Variants in SH3GL1 observed in about 807,000 individuals in gnomAD.
SH3GL1 encodes the protein SH3 domain containing GRB2 like 1, endophilin A2.
In SH3GL1, 21 loss-of-function variants were observed where a neutral mutation model predicts 48.8. The observed-to-expected ratio is 0.43, with a 90% CI of 0.30 to 0.62. The LOEUF (loss-of-function observed/expected upper bound fraction) is 0.62, where lower values mean the gene tolerates loss of function less well. SH3GL1 is among the 20% of genes least tolerant of loss of function. SH3GL1 has a pLI of 0.11. For synonymous variants in SH3GL1, 282 were observed against 217.5 expected, an observed-to-expected ratio of 1.30 and a Z score of -2.61; for missense variants, 454 against 503.0, an observed-to-expected ratio of 0.90 and a Z score of 0.93.
chr19:4,364,017 G>A, intron 5 of SH3GL1, 71 bp downstream of exon 5: 1 of 1,606,788 alleles, frequency 6.2e-7, no homozygotes, highest in Non-Finnish European at 8.5e-7. Flanking sequence ...TGGAGGTGAG[G>A]GTGGCAGGAA....
intron 1 of SH3GL1, among the ~76,000 whole-genome samples, chr19:4,385,662 A>G (rs62129349): frequency 0.21 from 32,486 of 152,210 alleles, 3,828 homozygotes; most frequent in Admixed American, 0.28. Context: ...AGAGGGGCCC[A>G]CTGGTGCCTT....
chr19:4,399,495 G>A (rs1397475616), intron 1 of SH3GL1, among the ~76,000 whole-genome samples: 1 of 151,900 alleles, frequency 6.6e-6, no homozygotes, highest in African/African-American at 2.4e-5. Flanking sequence ...GAGGGAAGGA[G>A]GACTGATTCT....
Position 4,360,435 on chromosome 19 carries a change from C to T in SH3GL1, c.*1165G>A. The T allele has an allele frequency of 4.1e-6, 1 of 242,638 alleles. No individual in the cohort carries two copies. Among genetic ancestry groups the T allele is most frequent in the Non-Finnish European group, 8.1e-6 (1 of 123,768 alleles). The allele number at this position is 242,638 out of a possible 1,614,324, so 15.0% of individuals were successfully genotyped here. A position where few individuals can be genotyped will look rare whatever the true frequency, so the allele number is the denominator to read the frequency against. On this transcript the variant is annotated 3_prime_UTR_variant, in exon 10 of 10. Coordinates refer to ENST00000269886, the MANE Select transcript of SH3GL1 (RefSeq NM_003025.4). Reference sequence around the variant, plus strand: ...GGCGTACATTTCAGTTTGCCCTGGACCGTGCCCAAAGCTGTGTGCTCATCT... The same window carrying T: ...GGCGTACATTTCAGTTTGCCCTGGATCGTGCCCAAAGCTGTGTGCTCATCT...
chr19:4,362,876 G>A, intron 7 of SH3GL1, 140 bp from the exon 8 acceptor site: 1 of 1,362,052 alleles, frequency 7.3e-7, no homozygotes, highest in Non-Finnish European at 1.0e-6. Context: ...CATGGACCCT[G>A]GGACACAGCT....
intron 1 of SH3GL1, among the ~76,000 whole-genome samples, chr19:4,392,137 G>A (rs1599621240): frequency 6.6e-6 from 1 of 152,272 alleles, no homozygotes; most frequent in East Asian, 1.9e-4. Flanking sequence ...GCCCTTACCA[G>A]CCCACACAAA....
chr19:4,373,678 T>C (rs1972947765), intron 1 of SH3GL1, among the ~76,000 whole-genome samples: 2 of 152,090 alleles, frequency 1.3e-5, no homozygotes, highest in African/African-American at 4.8e-5. Flanking sequence ...AAAGGGGCAG[T>C]CCCTTGGGCC....
intron 4 of SH3GL1, among the ~76,000 whole-genome samples, chr19:4,365,156 C>T (rs558801278): frequency 7.2e-5 from 11 of 152,068 alleles, no homozygotes; most frequent in Non-Finnish European, 1.5e-4. Flanking sequence ...CGATGCTGGA[C>T]GTTAAACCAG....
intron 1 of SH3GL1, among the ~76,000 whole-genome samples, chr19:4,370,827 C>T (rs972176258): frequency 1.1e-4 from 17 of 152,254 alleles, no homozygotes; most frequent in African/African-American, 3.6e-4. Context: ...GGAGAGGCCC[C>T]GGCTCAGTCA....
chr19:4,379,073 T>C (rs1973068617), intron 1 of SH3GL1, among the ~76,000 whole-genome samples: 1 of 152,174 alleles, frequency 6.6e-6, no homozygotes, highest in African/African-American at 2.4e-5. Flanking sequence ...CAAGTCCCGG[T>C]TCCAAAATGC....
Position 4,361,014 on chromosome 19 carries a change from G to A in SH3GL1, c.*586C>T. On this transcript the variant is annotated 3_prime_UTR_variant, in exon 10 of 10. Transcript: ENST00000269886. ...CTGCAAGCTGACAGCAGGCCCGGGA[G>A]GCGGTGAGGCCCTCTGCCCTGGCCT... 2 of 234,224 alleles carry A rather than the reference G, an allele frequency of 8.5e-6. No individual in the cohort carries two copies. Among genetic ancestry groups the A allele is most frequent in the East Asian group, 6.0e-5 (1 of 16,592 alleles). The allele number at this position is 234,224 out of a possible 1,614,324, so 14.5% of individuals were successfully genotyped here.
chr19:4,394,850 G>C (rs775627594), intron 1 of SH3GL1, among the ~76,000 whole-genome samples: 1 of 152,182 alleles, frequency 6.6e-6, no homozygotes, highest in African/African-American at 2.4e-5. Context: ...CCTTTGCAGC[G>C]GGGGGAAGCT....
intron 1 of SH3GL1, among the ~76,000 whole-genome samples, chr19:4,375,074 C>T (rs1972980405): frequency 6.6e-6 from 1 of 152,148 alleles, no homozygotes; most frequent in Non-Finnish European, 1.5e-5. Flanking sequence ...CTGCTCCCCT[C>T]GGGCACCTAC....
rs1378462260 is a variant in SH3GL1, at chr19:4,376,632, C to A, written c.46-9638G>T. ...CATCTTACACCCCCATCTGCCTGGG[C>A]GGCCCCCCCATCTCCCCTCAGAGCT... On this transcript the variant is annotated intron_variant, in intron 1 of 9. Transcript: ENST00000269886. The surrounding 1 kb of genome is among the most constrained non-coding windows in gnomAD (Gnocchi z 4.3). 6.6e-6 allele frequency among the ~76,000 whole-genome samples: 1 copy of A among 151,960 alleles called. No individual in the cohort carries two copies.
At chr19:4,383,420 G>A (rs998191089) in intron 1 of SH3GL1, among the ~76,000 whole-genome samples, 1 of 151,614 alleles carries the variant, frequency 6.6e-6, no homozygotes, top group Non-Finnish European at 1.5e-5. Context: ...TTTTTGTAGA[G>A]ACGGGGTTTC....
At chr19:4,394,825 G>C (rs1337674762) in intron 1 of SH3GL1, among the ~76,000 whole-genome samples, 1 of 152,190 alleles carries the variant, frequency 6.6e-6, no homozygotes, top group Non-Finnish European at 1.5e-5. Flanking sequence ...ACTGACGTAG[G>C]GCTGGAGAAT....
intron 1 of SH3GL1, among the ~76,000 whole-genome samples, chr19:4,370,790 G>A (rs555502926): frequency 3.7e-4 from 57 of 152,374 alleles, no homozygotes; most frequent in African/African-American, 1.3e-3. Flanking sequence ...CCTGCCAGGC[G>A]AGGACCAGGG....
Position 4,400,315 on chromosome 19 carries a change from T to C in SH3GL1, c.45+9A>G, listed in dbSNP as rs1178730660. 2 of 1,598,520 alleles carry C rather than the reference T, an allele frequency of 1.3e-6. No individual in the cohort carries two copies. The highest frequency in any genetic ancestry group is 1.7e-6 in the Non-Finnish European group (2 of 1,175,604). On this transcript the variant is annotated intron_variant, in intron 1 of 9. Transcript: ENST00000269886. This position sits in a 1 kb window ranked among gnomAD's most constrained non-coding sequence, Gnocchi z 4.1. ...CCGGTACTCGGCTCCCGCCTGGGCC[T>C]GCGCTCACCTGGCTCGCCTTGTAGA...
chr19:4,367,152 A>C lies in SH3GL1; in HGVS notation c.46-158T>G, dbSNP rs8111656. 0.013 allele frequency among the ~76,000 whole-genome samples: 1,935 copies of C among 149,078 alleles called. 46 individuals carry two copies. Among genetic ancestry groups the C allele is most frequent in the African/African-American group, 0.044 (1,801 of 41,036 alleles). On this transcript the variant is annotated intron_variant, in intron 1 of 9. Transcript: ENST00000269886. This position sits in a 1 kb window ranked among gnomAD's most constrained non-coding sequence, Gnocchi z 4.2. ...CCTCAGGCACTGCCGTGGGCACCCC[A>C]GGGCCACACGCTGCCTGCAGAGCAG...
At chr19:4,379,356 G>A (rs984625736) in intron 1 of SH3GL1, among the ~76,000 whole-genome samples, 2 of 151,882 alleles carry the variant, frequency 1.3e-5, no homozygotes, top group Middle Eastern at 6.8e-3. Flanking sequence ...AACCCAGCAG[G>A]TGGGGGTTGC....
Sources: allele counts gnomAD v4.1 joint callset (sites outside exome capture counted in the v4.1 genomes callset), GRCh38; gene constraint gnomAD v4.1.1; non-coding constraint Gnocchi (gnomAD v3.1); transcripts MANE v1.5; gene names NCBI Gene and HGNC (gene_info 2026-07-23, HGNC 2026-07-21).